NUP188: variants seen among roughly 807,000 people sequenced by gnomAD.
NUP188 encodes the protein nucleoporin NUP188.
NUP188 carries 97 observed loss-of-function variants against 223.0 expected under a neutral mutation model. The ratio of observed to expected loss-of-function variants is 0.43; its 90% CI spans 0.37 to 0.51. The LOEUF (loss-of-function observed/expected upper bound fraction) is 0.51. Among genes scored for constraint, NUP188 ranks in the 20% least tolerant of loss-of-function variants. The pLI, the probability that NUP188 is intolerant of heterozygous loss-of-function variation, is 0.00. For synonymous variants in NUP188, 869 were observed against 828.0 expected, an observed-to-expected ratio of 1.05 and a Z score of -0.85; for missense variants, 1,947 against 2,175.6, an observed-to-expected ratio of 0.89 and a Z score of 2.09.
chr9:128,991,218 C>T (rs1170656149), intron 25 of NUP188, among the ~76,000 whole-genome samples: 1 of 146,030 alleles, frequency 6.8e-6, no homozygotes, highest in Non-Finnish European at 1.5e-5. Flanking sequence ...AGGCTGTGCT[C>T]CACATTTCTT....
chr9:128,950,855 G>A (rs1023331572), intron 2 of NUP188, among the ~76,000 whole-genome samples: 3 of 152,048 alleles, frequency 2.0e-5, no homozygotes, highest in Non-Finnish European at 4.4e-5. Flanking sequence ...TAAACATTAC[G>A]CATTCCCTAC....
chr9:128,962,698 G>A (rs1841973369), intron 8 of NUP188, among the ~76,000 whole-genome samples: 1 of 152,010 alleles, frequency 6.6e-6, no homozygotes, highest in South Asian at 2.1e-4. Flanking sequence ...AGCCGGCTGG[G>A]CTCAAGCAGT....
chr9:128,959,109 C>T lies in NUP188; in HGVS notation c.560C>T (p.Thr187Ile). The T allele has an allele frequency of 6.2e-7, 1 of 1,600,268 alleles. No individual in the cohort carries two copies. Among genetic ancestry groups the T allele is most frequent in the South Asian group, 1.1e-5 (1 of 88,296 alleles). ...FEELYKTEAP[T>I]WETHGNLMTE... Reference sequence around the variant, plus strand: ...GAGCTTTATAAAACTGAAGCACCAACTTGGGAGACACATGGAAATCTCATG... The same window carrying T: ...GAGCTTTATAAAACTGAAGCACCAATTTGGGAGACACATGGAAATCTCATG... Residue 187 changes from threonine to isoleucine, a missense_variant, in exon 8 of 44, where the codon ACT becomes ATT. Physicochemically the swap from Thr to Ile is moderately conservative, Grantham distance 89. Around this residue, in one of 3 missense-constraint regions of NUP188, gnomAD observed 817 missense variants for 865.8 expected, o/e 0.94. Transcript: ENST00000372577.
At chr9:128,960,361 G>A (rs191114298) in intron 8 of NUP188, among the ~76,000 whole-genome samples, 128 of 151,896 alleles carry the variant, frequency 8.4e-4, no homozygotes, top group African/African-American at 2.8e-3. Flanking sequence ...GTGAGCCACC[G>A]CGCCTGGCTA....
At chr9:128,987,237 C>G (rs1286680543) in intron 22 of NUP188, among the ~76,000 whole-genome samples, 1 of 152,012 alleles carries the variant, frequency 6.6e-6, no homozygotes, top group African/African-American at 2.4e-5. Context: ...GGGCCAGTTA[C>G]TATGTATTCT....
At chr9:128,981,719 G>C (rs946850431) in intron 15 of NUP188, among the ~76,000 whole-genome samples, 4 of 152,174 alleles carry the variant, frequency 2.6e-5, no homozygotes, top group African/African-American at 9.7e-5. Context: ...AGGTACTGTT[G>C]TTATCATCAT....
intron 32 of NUP188, among the ~76,000 whole-genome samples, 172 bp downstream of exon 32, chr9:128,998,795 T>C (rs532746713): frequency 1.3e-5 from 2 of 151,160 alleles, no homozygotes; most frequent in South Asian, 2.1e-4. Context: ...TATCCTGAGA[T>C]GGAGCAGGGG....
chr9:129,006,977 G>A lies in NUP188; in HGVS notation c.*299G>A. On this transcript the variant is annotated 3_prime_UTR_variant, in exon 44 of 44. Coordinates refer to ENST00000372577, the MANE Select transcript of NUP188 (RefSeq NM_015354.3). ...CACAGCACTGCCGGCCAGGGGAGAG[G>A]CGGCAGCCCAGCAGAGGGCTCTATG... is the stretch of plus-strand genomic sequence containing the variant. 1 of 323,638 alleles carries A rather than the reference G, an allele frequency of 3.1e-6. No homozygotes were observed. Among genetic ancestry groups the A allele is most frequent in the African/African-American group, 2.1e-5 (1 of 46,794 alleles). The allele number at this position is 323,638 out of a possible 1,614,324, so 20.0% of individuals were successfully genotyped here.
In NUP188 at chr9:128,999,604, C is replaced by T; in HGVS notation, c.3662-20C>T. On this transcript the variant is annotated intron_variant, in intron 33 of 43. Transcript: ENST00000372577. ...TTGGCCTGGTGAGCATGACAGTGTCCCTCCCTGTCTATTCTACAGTAAGTG... is the reference window on the plus strand; with the variant it reads ...TTGGCCTGGTGAGCATGACAGTGTCTCTCCCTGTCTATTCTACAGTAAGTG... 1 of 1,604,558 alleles carries T rather than the reference C, an allele frequency of 6.2e-7. No individual in the cohort carries two copies. The highest frequency in any genetic ancestry group is 1.1e-5 in the South Asian group (1 of 90,798).
In NUP188 at chr9:128,986,668, G is replaced by A; in HGVS notation, c.2187G>A (p.Arg729=). The A allele has an allele frequency of 1.2e-6, 2 of 1,614,186 alleles. No homozygotes were observed. The highest frequency in any genetic ancestry group is 1.3e-5 in the African/African-American group (1 of 75,046). ...HKWRYNSHGV[R]EQIGCLILEL... ...GGCGCTACAACTCTCATGGAGTGAGGGAACAGATTGGTAAGGACAGCATGG... is the reference window on the plus strand; with the variant it reads ...GGCGCTACAACTCTCATGGAGTGAGAGAACAGATTGGTAAGGACAGCATGG... Residue 729 remains arginine (R), a synonymous_variant, in exon 21 of 44, where the codon AGG becomes AGA. Coordinates refer to ENST00000372577, the MANE Select transcript of NUP188 (RefSeq NM_015354.3).
At chr9:128,987,090 T>TGA (rs1181841118) in intron 22 of NUP188, among the ~76,000 whole-genome samples, 1,025 of 97,624 alleles carry the variant, frequency 0.01, 10 homozygotes, top group African/African-American at 0.056. Context: ...AGAGAGAGAG[T>TGA]GTGTGTGTGT....
intron 8 of NUP188, among the ~76,000 whole-genome samples, chr9:128,966,164 T>C (rs1001654873): frequency 8.2e-5 from 12 of 146,696 alleles, no homozygotes; most frequent in Admixed American, 1.4e-4. Context: ...TGTGTGTGTG[T>C]GTGTGCGTGT....
In NUP188 at chr9:129,006,076, C is replaced by G. The variant is rs1396344670; in HGVS notation, c.4896C>G (p.Thr1632=). The change falls in exon 42 of 44, where the codon ACC becomes ACG. Residue 1632 remains threonine (T), a synonymous_variant. Transcript: ENST00000372577. The part of the protein sequence containing the change: ...GELDKKKEPL[T]QAVGLSTQAE... Reference sequence around the variant, plus strand: ...TGGACAAGAAAAAGGAGCCCCTCACCCAGGCAGTGGGGCTCAGCACACAGG... The same window carrying G: ...TGGACAAGAAAAAGGAGCCCCTCACGCAGGCAGTGGGGCTCAGCACACAGG... 10 of 1,614,138 alleles carry G rather than the reference C, an allele frequency of 6.2e-6. No homozygotes were observed. Among genetic ancestry groups the G allele is most frequent in the African/African-American group, 1.3e-5 (1 of 75,008 alleles).
At chr9:128,987,509 C>G in intron 22 of NUP188, 80 bp from the exon 23 acceptor site, 1 of 1,474,934 alleles carries the variant, frequency 6.8e-7, no homozygotes, top group Non-Finnish European at 9.2e-7. Context: ...GTTAGCCACC[C>G]TAGCCTAATT....
rs1044569711 is a variant in NUP188 at position 128,964,832 on chromosome 9, G to C, written c.586-3674G>C. Among the ~76,000 whole-genome samples, 32 of 150,768 alleles carry C rather than the reference G, an allele frequency of 2.1e-4. 1 individual carries two copies. The highest frequency in any genetic ancestry group is 7.4e-5 in the Non-Finnish European group (5 of 67,898). The stretch of plus-strand genomic sequence containing the variant: ...GGGATTCTGCTGCCTCCAGCCTCCC[G>C]AGTAGCTGGGATTACAGGCATGTGC... On this transcript the variant is annotated intron_variant, in intron 8 of 43. Coordinates refer to ENST00000372577, the MANE Select transcript of NUP188 (RefSeq NM_015354.3).
At chr9:128,957,143 T>TACC in intron 5 of NUP188, 111 bp downstream of exon 5, 1 of 686,066 alleles carries the variant, frequency 1.5e-6, no homozygotes, top group Non-Finnish European at 2.5e-6. Context: ...GGTGATCAGG[T>TACC]ACCGTCATCT....
chr9:128,968,555 C>G lies in NUP188; in HGVS notation c.635C>G (p.Ser212Cys), dbSNP rs1842063906. 6.2e-7 allele frequency: 1 copy of G among 1,614,052 alleles called. No individual in the cohort carries two copies. Among genetic ancestry groups the G allele is most frequent in the Non-Finnish European group, 8.5e-7 (1 of 1,180,018 alleles). Residue 212 changes from serine to cysteine, a missense_variant, in exon 9 of 44, where the codon TCC becomes TGC. Coordinates refer to ENST00000372577, the MANE Select transcript of NUP188 (RefSeq NM_015354.3). ...TTTGTTCAGTGCCTTCGGGAACAGT[C>G]CATGCTGCTAGAAATTATTTTCCTT... ...RWFVQCLREQ[S>C]MLLEIIFLYY...
intron 25 of NUP188, among the ~76,000 whole-genome samples, chr9:128,992,051 C>T (rs895104192): frequency 9.9e-5 from 15 of 151,268 alleles, no homozygotes; most frequent in East Asian, 4.0e-4. Context: ...GGACTACAGG[C>T]GCCTGCCACT....
intron 9 of NUP188, 61 bp downstream of exon 9, chr9:128,968,778 G>A: frequency 1.5e-6 from 2 of 1,303,180 alleles, no homozygotes; most frequent in Non-Finnish European, 2.2e-6. Context: ...TACTATAGTG[G>A]TATGTAAGCA....
Sources: gnomAD v4.1 joint callset for allele counts (sites outside exome capture counted in the v4.1 genomes callset) on GRCh38, gnomAD v4.1.1 for gene constraint, gnomAD v4.1.1 regional missense constraint, MANE v1.5 for transcripts, NCBI Gene and HGNC (gene_info 2026-07-23, HGNC 2026-07-21) for gene names.